P4HA3: variants seen among roughly 807,000 people sequenced by gnomAD.
P4HA3 encodes prolyl 4-hydroxylase subunit alpha 3, also known as prolyl 4-hydroxylase subunit alpha-3.
P4HA3 carries 60 observed loss-of-function variants against 66.7 expected under a neutral mutation model. The observed-to-expected ratio is 0.90, with a 90% confidence interval of 0.73 to 1.12. P4HA3 has a LOEUF of 1.12. Ranked by LOEUF, P4HA3 falls within the 50% of genes most tolerant of loss-of-function variation. The pLI is 0.00. For synonymous variants in P4HA3, 263 were observed against 274.6 expected (o/e 0.96, Z 0.42); for missense variants, 683 against 685.8 (o/e 1.00, Z 0.05).
At position 74,273,612 on chromosome 11, in the gene P4HA3, G is replaced by GAAAA; in HGVS notation, c.1336-9_1336-6dup. ...GTAGAGGGGGCTGCTTGGTGACTGA[G>GAAAA]AAAAAAAAAAACAGAACATATTATT... On this transcript the variant is annotated splice_region_variant and splice_polypyrimidine_tract_variant and intron_variant, in intron 9 of 12. Transcript: ENST00000331597. 1.6e-6 allele frequency: 2 copies of GAAAA among 1,272,852 alleles called. No homozygotes were observed. The highest frequency in any genetic ancestry group is 1.6e-5 in the South Asian group (1 of 63,350). The allele number at this position is 1,272,852 out of a possible 1,614,324, so 78.8% of individuals were successfully genotyped here. A position where few individuals can be genotyped will look rare whatever the true frequency, so the allele number is the denominator to read the frequency against.
chr11:74,302,675 T>C (rs1861447096), intron 2 of P4HA3, 83 bp from the exon 3 acceptor site: 1 of 1,257,048 alleles, frequency 8.0e-7, no homozygotes, highest in Admixed American at 2.3e-5. Flanking sequence ...GACCACCTGT[T>C]CAAATATTTA....
chr11:74,288,290 A>G (rs1214374840), intron 5 of P4HA3, among the ~76,000 whole-genome samples: 2 of 152,194 alleles, frequency 1.3e-5, no homozygotes, highest in East Asian at 3.9e-4. Flanking sequence ...GGCAGGATGC[A>G]TGCATCACAG....
intron 2 of P4HA3, among the ~76,000 whole-genome samples, chr11:74,303,292 C>CTTTTT (rs779313817): frequency 3.2e-4 from 40 of 123,206 alleles, no homozygotes; most frequent in Non-Finnish European, 4.2e-4. Flanking sequence ...CAACAAACTT[C>CTTTTT]TTTTTTTTTT....
chr11:74,275,900 C>G (rs1238448429), intron 9 of P4HA3, among the ~76,000 whole-genome samples: 1 of 152,134 alleles, frequency 6.6e-6, no homozygotes, highest in Non-Finnish European at 1.5e-5. Flanking sequence ...TGGAACCAAC[C>G]TAAATGTCCA....
At chr11:74,263,450 CAA>C (rs1859941743), downstream of P4HA3, among the ~76,000 whole-genome samples, 1 of 152,182 alleles carries the variant, frequency 6.6e-6, no homozygotes, top group African/African-American at 2.4e-5. Flanking sequence ...GAAGTGACAG[CAA>C]AATAACATGG....
chr11:74,302,771 G>A (rs1486171569), intron 2 of P4HA3, among the ~76,000 whole-genome samples, 179 bp from the exon 3 acceptor site: 1 of 152,176 alleles, frequency 6.6e-6, no homozygotes, highest in Non-Finnish European at 1.5e-5. Flanking sequence ...AATTCTGAAT[G>A]AGGAACATTC....
intron 15 of P4HA3, chr11:74,251,559 G>C: frequency 6.4e-7 from 1 of 1,559,156 alleles, no homozygotes; most frequent in Non-Finnish European, 8.7e-7. Context: ...GGGCACCGTA[G>C]AGCCTAACCA....
chr11:74,261,068 C>T (rs1479389981), intron 14 of P4HA3, among the ~76,000 whole-genome samples: 1 of 152,148 alleles, frequency 6.6e-6, no homozygotes, highest in Non-Finnish European at 1.5e-5. Context: ...TACCCGCATT[C>T]AGGGGTTCTT....
At chr11:74,280,784 A>G (rs1860565550) in intron 7 of P4HA3, among the ~76,000 whole-genome samples, 1 of 152,088 alleles carries the variant, frequency 6.6e-6, no homozygotes, top group Non-Finnish European at 1.5e-5. Context: ...AGCTACACAG[A>G]CAGAAGCTCT....
intron 7 of P4HA3, 106 bp from the exon 8 acceptor site, chr11:74,279,558 C>T (rs950753391): frequency 6.7e-6 from 7 of 1,037,494 alleles, no homozygotes; most frequent in Middle Eastern, 2.0e-4. Context: ...ATAACAGATG[C>T]CAGTTCCTCC....
At chr11:74,267,394 C>T in intron 12 of P4HA3, 76 bp from the exon 13 acceptor site, 6 of 1,542,114 alleles carry the variant, frequency 3.9e-6, no homozygotes, top group Non-Finnish European at 5.3e-6. Context: ...CTGGTGCGCA[C>T]TCATAGGCGC....
chr11:74,293,018 A>G (rs1334195609), intron 4 of P4HA3, among the ~76,000 whole-genome samples: 3 of 151,934 alleles, frequency 2.0e-5, no homozygotes, highest in Non-Finnish European at 4.4e-5. Context: ...TTTCTGTCTC[A>G]TTGATCTGTC....
intron 5 of P4HA3, among the ~76,000 whole-genome samples, chr11:74,288,394 G>A (rs1194460079): frequency 6.6e-6 from 1 of 152,174 alleles, no homozygotes; most frequent in Non-Finnish European, 1.5e-5. Context: ...TGCGTACATA[G>A]TGCACACTGA....
chr11:74,253,485 T>C (rs776590092), intron 15 of P4HA3: 4 of 1,606,272 alleles, frequency 2.5e-6, no homozygotes, highest in Non-Finnish European at 3.4e-6. Context: ...TTTCTGTTCT[T>C]CCACAGTGTG....
chr11:74,279,168 G>A (rs999317807), intron 8 of P4HA3, among the ~76,000 whole-genome samples: 1 of 152,202 alleles, frequency 6.6e-6, no homozygotes, highest in African/African-American at 2.4e-5. Flanking sequence ...GCTCTTCCAA[G>A]TCTCTCTCGA....
downstream of P4HA3, among the ~76,000 whole-genome samples, chr11:74,266,301 C>T (rs900596547): frequency 5.9e-5 from 9 of 152,086 alleles, no homozygotes; most frequent in Non-Finnish European, 1.2e-4. Context: ...ATACCAAAAT[C>T]TACAGATGTT....
Position 74,298,279 on chromosome 11 carries a change from T to A in P4HA3, c.650A>T (p.Glu217Val). ...AVSLFRGSYG[E>V]WKTEDEASLE... ...ACTTGCCTCATCCTCTGTCTTCCAC[T>A]CTCCGTAAGATCCTCGGAAGAGACT... The change falls in exon 4 of 13, where the codon GAG (glutamate) becomes GTG (valine). Residue 217 changes from glutamate (E) to valine (V), a missense_variant. Coordinates refer to ENST00000331597, the MANE Select transcript of P4HA3 (RefSeq NM_182904.5). 1.2e-6 allele frequency: 2 copies of A among 1,614,070 alleles called. No individual in the cohort carries two copies. The highest frequency in any genetic ancestry group is 1.7e-6 in the Non-Finnish European group (2 of 1,179,998).
downstream of P4HA3, among the ~76,000 whole-genome samples, chr11:74,265,166 C>T (rs537332312): frequency 6.6e-6 from 1 of 152,250 alleles, no homozygotes; most frequent in Non-Finnish European, 1.5e-5. Context: ...TCTGAGAAGT[C>T]CAGGTTCTGT....
intron 4 of P4HA3, among the ~76,000 whole-genome samples, chr11:74,293,747 T>C (rs1861116345): frequency 6.6e-6 from 1 of 152,206 alleles, no homozygotes; most frequent in African/African-American, 2.4e-5. Context: ...TTGAAAATTC[T>C]TTTCTTTAAG....
Sources: allele counts gnomAD v4.1 joint callset (sites outside exome capture counted in the v4.1 genomes callset), GRCh38; gene constraint gnomAD v4.1.1; transcripts MANE v1.5; gene names NCBI Gene and HGNC (gene_info 2026-07-23, HGNC 2026-07-21).